The following STAG1 variants were observed in gnomAD, a reference collection of about 807,000 sequenced individuals.
The protein encoded by STAG1 is cohesin subunit SA-1.
In STAG1, 26 loss-of-function variants were observed where a neutral mutation model predicts 170.9. The observed-to-expected ratio is 0.15, with a 90% CI of 0.11 to 0.21. The LOEUF is 0.21. Among genes scored for constraint, STAG1 ranks in the 10% least tolerant of loss-of-function variants. The probability of loss-of-function intolerance (pLI) is 1.00; values close to 1 mark genes in which losing one functional copy is unlikely to be tolerated. For synonymous variants in STAG1, 514 were observed against 497.7 expected (o/e 1.03, Z -0.44); for missense variants, 964 against 1,509.5 (o/e 0.64, Z 5.99).
At chr3:136,721,038 A>G (rs1307379004) in intron 1 of STAG1, among the ~76,000 whole-genome samples, 1 of 152,230 alleles carries the variant, frequency 6.6e-6, no homozygotes, top group African/African-American at 2.4e-5. Context: ...TTAGAATCCA[A>G]GTCATTCTCC....
intron 15 of STAG1, among the ~76,000 whole-genome samples, chr3:136,436,011 G>A (rs1349792930): frequency 6.6e-6 from 1 of 151,986 alleles, no homozygotes; most frequent in African/African-American, 2.4e-5. Flanking sequence ...AGGCCAGAAG[G>A]CAATGGCGTG....
At chr3:136,395,478 G>A (rs925448507) in intron 22 of STAG1, among the ~76,000 whole-genome samples, 3 of 151,748 alleles carry the variant, frequency 2.0e-5, no homozygotes, top group Non-Finnish European at 2.9e-5. Context: ...CAAAAAACCC[G>A]GGCATGGTGG....
At chr3:136,702,590 C>T (rs1275837112) in intron 1 of STAG1, among the ~76,000 whole-genome samples, 2 of 151,850 alleles carry the variant, frequency 1.3e-5, no homozygotes, top group Admixed American at 6.6e-5. Context: ...TTCACCATGT[C>T]GGCCAGGCTA....
chr3:136,641,148 G>C (rs1338419188), intron 1 of STAG1, among the ~76,000 whole-genome samples: 1 of 152,134 alleles, frequency 6.6e-6, no homozygotes, highest in Non-Finnish European at 1.5e-5. Flanking sequence ...AATGAAAATT[G>C]GGGGAGAAGA....
intron 20 of STAG1, among the ~76,000 whole-genome samples, chr3:136,420,196 G>A (rs576414331): frequency 4.3e-5 from 6 of 141,022 alleles, no homozygotes; most frequent in Non-Finnish European, 6.0e-5. Context: ...GCAGTGAGCC[G>A]AGATCGGGCC....
At chr3:136,702,469 C>A (rs1943112929) in intron 1 of STAG1, among the ~76,000 whole-genome samples, 1 of 152,084 alleles carries the variant, frequency 6.6e-6, no homozygotes, top group Non-Finnish European at 1.5e-5. Context: ...TCACCGCAAC[C>A]TCCGCCTCCC....
chr3:136,551,249 GAGA>G (rs1936382482), intron 5 of STAG1, among the ~76,000 whole-genome samples: 1 of 146,738 alleles, frequency 6.8e-6, no homozygotes, highest in African/African-American at 2.5e-5. Context: ...GAGAGAGAGA[GAGA>G]GAGAGAGAGG....
rs955649182 is a variant in STAG1 at position 136,466,609 on chromosome 3, T to C, written c.1206-1621A>G. ...ATATTATCCAGGAGAACTTCCCCAA[T>C]CTAGCAAGGCAGGCCAACGTTCAGA... On this transcript the variant is annotated intron_variant, in intron 12 of 33. Coordinates refer to ENST00000383202, the MANE Select transcript of STAG1 (RefSeq NM_005862.3). Among the ~76,000 whole-genome samples, 50 of 152,194 alleles carry C rather than the reference T, an allele frequency of 3.3e-4. 1 individual carries two copies. Among genetic ancestry groups the C allele is most frequent in the African/African-American group, 1.2e-3 (48 of 41,506 alleles).
rs556954764 is a variant in STAG1 at position 136,736,791 on chromosome 3, G to T, written c.-84+15404C>A. ...TATACAGCTTGTTTGAACAGCTCAG[G>T]ATCATCCTCCTCTACAATTGTAGGT... On this transcript the variant is annotated intron_variant, in intron 1 of 33. Coordinates refer to ENST00000383202, the MANE Select transcript of STAG1 (RefSeq NM_005862.3). The T allele has an allele frequency of 1.1e-4, 175 of 1,590,494 alleles. 1 individual carries two copies. In the South Asian group the frequency reaches 1.8e-3, roughly 17 times the overall value.
At chr3:136,624,895 A>G (rs1221627422) in intron 2 of STAG1, among the ~76,000 whole-genome samples, 2 of 152,240 alleles carry the variant, frequency 1.3e-5, no homozygotes, top group African/African-American at 4.8e-5. Context: ...CAACTTCAAG[A>G]GCATAAATAG....
chr3:136,468,068 T>C (rs147514876), intron 12 of STAG1, among the ~76,000 whole-genome samples: 3 of 152,234 alleles, frequency 2.0e-5, no homozygotes, highest in East Asian at 1.9e-4. Flanking sequence ...AGATCTAAAA[T>C]TGACAACCTA....
chr3:136,465,964 T>A (rs1233867026), intron 12 of STAG1, among the ~76,000 whole-genome samples: 2 of 152,038 alleles, frequency 1.3e-5, no homozygotes, highest in African/African-American at 4.8e-5. Flanking sequence ...GAGGGAAAAC[T>A]AACAAACAGA....
chr3:136,573,482 A>G lies in STAG1; in HGVS notation c.298-4621T>C, dbSNP rs543763310. ...AATAATGACACACTTCCCATCAAAA[A>G]CAATGCAAACCCATGGATAATACAG... On this transcript the variant is annotated intron_variant, in intron 4 of 33. Transcript: ENST00000383202. Among the ~76,000 whole-genome samples the G allele has an allele frequency of 4.6e-5, 7 of 152,306 alleles. No individual in the cohort carries two copies. The South Asian group carries it at 1.5e-3, about 32-fold the overall frequency.
At chr3:136,381,060 A>G (rs1010272962) in intron 22 of STAG1, among the ~76,000 whole-genome samples, 21 of 151,612 alleles carry the variant, frequency 1.4e-4, no homozygotes, top group African/African-American at 4.8e-4. Flanking sequence ...AAAGAAACAT[A>G]GGAACAAATG....
At chr3:136,694,296 C>T (rs1314028281) in intron 1 of STAG1, among the ~76,000 whole-genome samples, 1 of 152,006 alleles carries the variant, frequency 6.6e-6, no homozygotes, top group Non-Finnish European at 1.5e-5. Flanking sequence ...GGCTGGTCTC[C>T]CACAGGCACA....
chr3:136,416,240 T>C (rs1024180514), intron 21 of STAG1, among the ~76,000 whole-genome samples: 5 of 152,180 alleles, frequency 3.3e-5, no homozygotes, highest in African/African-American at 1.2e-4. Context: ...ACTCCTGGCC[T>C]TGTGATCCGC....
chr3:136,357,802 C>T lies in STAG1; in HGVS notation c.2983G>A (p.Glu995Lys), dbSNP rs1936713516. 1 of 1,602,028 alleles carries T rather than the reference C, an allele frequency of 6.2e-7. No individual in the cohort carries two copies. The highest frequency in any genetic ancestry group is 8.5e-7 in the Non-Finnish European group (1 of 1,176,280). The change falls in exon 28 of 34, where the codon GAG becomes AAG. Residue 995 changes from glutamate (E) to lysine (K), a missense_variant. Transcript: ENST00000383202. The part of the protein sequence containing the change: ...AFKYQNQKGQ[E>K]YPPPNLAFLE... ...AAAGCCAGATTAGGAGGTGGATACT[C>T]TTGTCCTTTCTGATTTTGGTATTTA...
At chr3:136,646,732 T>G (rs1383154958) in intron 1 of STAG1, among the ~76,000 whole-genome samples, 1 of 151,870 alleles carries the variant, frequency 6.6e-6, no homozygotes, top group Non-Finnish European at 1.5e-5. Flanking sequence ...ATGGTGAAAC[T>G]CCGTCTCCAG....
At chr3:136,726,187 T>A (rs1031050154) in intron 1 of STAG1, among the ~76,000 whole-genome samples, 2 of 152,154 alleles carry the variant, frequency 1.3e-5, no homozygotes, top group Admixed American at 6.5e-5. Flanking sequence ...TACTGTTCTG[T>A]GCATTACAGA....
Sources: gnomAD v4.1 joint callset for allele counts (sites outside exome capture counted in the v4.1 genomes callset) on GRCh38, gnomAD v4.1.1 for gene constraint, MANE v1.5 for transcripts, NCBI Gene and HGNC (gene_info 2026-07-23, HGNC 2026-07-21) for gene names.